Variants in TTC7B observed in about 807,000 individuals in gnomAD.
TTC7B encodes tetratricopeptide repeat domain 7B.
TTC7B carries 28 observed loss-of-function variants against 106.8 expected under a neutral mutation model. The ratio of observed to expected loss-of-function variants is 0.26; its 90% CI spans 0.19 to 0.36. TTC7B has a LOEUF of 0.36. Ranked by LOEUF, TTC7B falls within the 10% of genes least tolerant of loss-of-function variation. The probability of loss-of-function intolerance (pLI) is 1.00; values close to 1 mark genes in which losing one functional copy is unlikely to be tolerated. For missense variants in TTC7B, 862 were observed against 1,076.4 expected, an observed-to-expected ratio of 0.80 and a Z score of 2.79; for synonymous variants, 405 against 430.6, an observed-to-expected ratio of 0.94 and a Z score of 0.74.
At chr14:90,574,213 T>C (rs1891164053) in intron 19 of TTC7B, among the ~76,000 whole-genome samples, 1 of 152,246 alleles carries the variant, frequency 6.6e-6, no homozygotes, top group Non-Finnish European at 1.5e-5. Flanking sequence ...TACTGGGAGC[T>C]AAAGGCTTTT....
At chr14:90,603,776 C>T (rs1892527520) in intron 17 of TTC7B, among the ~76,000 whole-genome samples, 1 of 152,164 alleles carries the variant, frequency 6.6e-6, no homozygotes, top group South Asian at 2.1e-4. Flanking sequence ...AAAGTTGGGA[C>T]TTAAAATCAT....
At chr14:90,680,736 G>A (rs1270936101) in intron 7 of TTC7B, among the ~76,000 whole-genome samples, 1 of 152,142 alleles carries the variant, frequency 6.6e-6, no homozygotes, top group Non-Finnish European at 1.5e-5. Flanking sequence ...TTAGTGGTAG[G>A]CAGAAGGGTA....
intron 12 of TTC7B, 133 bp from the exon 13 acceptor site, chr14:90,653,031 G>A (rs549453695): frequency 3.0e-5 from 27 of 888,968 alleles, no homozygotes. Context: ...GCCCAGTCCT[G>A]CACCAGGCCC....
At chr14:90,564,728 G>A (rs1890717445) in intron 19 of TTC7B, among the ~76,000 whole-genome samples, 1 of 152,146 alleles carries the variant, frequency 6.6e-6, no homozygotes, top group African/African-American at 2.4e-5. Context: ...GGGAAACATA[G>A]TGAGATCCCT....
At chr14:90,809,846 C>T (rs907363036) in intron 1 of TTC7B, among the ~76,000 whole-genome samples, 2 of 152,210 alleles carry the variant, frequency 1.3e-5, no homozygotes, top group African/African-American at 2.4e-5. Context: ...GGGAGGGAAA[C>T]AGCCCTGAGC....
In TTC7B at chr14:90,741,455, G is replaced by A. The variant is rs1039041074; in HGVS notation, c.576+3337C>T. 6.6e-5 allele frequency among the ~76,000 whole-genome samples: 10 copies of A among 152,230 alleles called. 1 individual carries two copies. The highest frequency in any genetic ancestry group is 5.8e-4 in the East Asian group (3 of 5,172). On this transcript the variant is annotated intron_variant, in intron 4 of 19. Coordinates refer to ENST00000328459, the MANE Select transcript of TTC7B (RefSeq NM_001010854.2). The stretch of plus-strand genomic sequence containing the variant: ...AGAAGTTTCTTCACTACAGAATGGC[G>A]GGGAAGTGACAGGGCACCATGGAGA...
intron 3 of TTC7B, among the ~76,000 whole-genome samples, chr14:90,758,243 T>C (rs540635465): frequency 6.7e-6 from 1 of 148,244 alleles, no homozygotes; most frequent in Non-Finnish European, 1.5e-5. Context: ...GGGGCACCAC[T>C]GTCCCGGTGG....
intron 4 of TTC7B, among the ~76,000 whole-genome samples, chr14:90,730,546 C>G (rs1303511919): frequency 6.6e-6 from 1 of 152,152 alleles, no homozygotes; most frequent in Non-Finnish European, 1.5e-5. Context: ...CGGGTCCTAG[C>G]AAAGGGCGGA....
At chr14:90,728,971 C>T (rs1466913622) in intron 5 of TTC7B, among the ~76,000 whole-genome samples, 1 of 152,208 alleles carries the variant, frequency 6.6e-6, no homozygotes, top group Non-Finnish European at 1.5e-5. Flanking sequence ...AGGGGACGTG[C>T]ACCGTTGCTC....
intron 18 of TTC7B, among the ~76,000 whole-genome samples, chr14:90,581,699 A>G (rs951013576): frequency 1.3e-5 from 2 of 152,200 alleles, no homozygotes; most frequent in African/African-American, 4.8e-5. Flanking sequence ...GAGAGCAGGG[A>G]TGAACATGTC....
chr14:90,694,711 T>TTATAAAATATATTTTATTTTAG (rs1887621839), intron 6 of TTC7B, among the ~76,000 whole-genome samples: 1 of 141,750 alleles, frequency 7.1e-6, no homozygotes, highest in Non-Finnish European at 1.5e-5. Flanking sequence ...TTTTATTTTA[T>TTATAAAATATATTTTATTTTAG]TATAAAATAG....
chr14:90,780,778 G>A lies in TTC7B; in HGVS notation c.405C>T (p.Pro135=). 1 of 1,614,260 alleles carries A rather than the reference G, an allele frequency of 6.2e-7. No individual in the cohort carries two copies. The highest frequency in any genetic ancestry group is 8.5e-7 in the Non-Finnish European group (1 of 1,180,044). The change falls in exon 3 of 20, where the codon CCC becomes CCT. Residue 135 remains proline, a synonymous_variant. Coordinates refer to ENST00000328459, the MANE Select transcript of TTC7B (RefSeq NM_001010854.2). ...CTTCTGCGATCACCCGCAGCCTGTAGGGCGGGACAGCTGTCAGTGGCAGAT... is the reference window on the plus strand; with the variant it reads ...CTTCTGCGATCACCCGCAGCCTGTAAGGCGGGACAGCTGTCAGTGGCAGAT... ...LDDLPLTAVP[P]YRLRVIAEAY...
rs991502314 is a variant in TTC7B, at chr14:90,570,583, G to A, written c.2310+7523C>T. On this transcript the variant is annotated intron_variant, in intron 19 of 19. Coordinates refer to ENST00000328459, the MANE Select transcript of TTC7B (RefSeq NM_001010854.2). The surrounding 1 kb of genome is among the most constrained non-coding windows in gnomAD (Gnocchi z 4.0). Reference sequence around the variant, plus strand: ...AAAGCGAAGCATCGTGCTCGCGGCCGACCACGCACCGAGATATATTCTCAT... The same window carrying A: ...AAAGCGAAGCATCGTGCTCGCGGCCAACCACGCACCGAGATATATTCTCAT... 2.0e-5 allele frequency among the ~76,000 whole-genome samples: 3 copies of A among 151,762 alleles called. No homozygotes were observed. Among genetic ancestry groups the A allele is most frequent in the Non-Finnish European group, 4.4e-5 (3 of 67,942 alleles).
At chr14:90,766,681 G>T in intron 3 of TTC7B, 1 of 1,365,708 alleles carries the variant, frequency 7.3e-7, no homozygotes. Context: ...AGCAGACATT[G>T]ACTGCACCAA....
Position 90,656,480 on chromosome 14 carries a change from C to G in TTC7B, c.1341+694G>C, listed in dbSNP as rs149527528. On this transcript the variant is annotated intron_variant, in intron 11 of 19. Transcript: ENST00000328459. ...GGGTATTGCCAAATTCAAATCTGAACAAGAATATTTGAAGAAAAACGCGTA... is the reference window on the plus strand; with the variant it reads ...GGGTATTGCCAAATTCAAATCTGAAGAAGAATATTTGAAGAAAAACGCGTA... Among the ~76,000 whole-genome samples, 1,238 of 152,140 alleles carry G rather than the reference C, an allele frequency of 8.1e-3. 10 individuals are homozygous for G. Among genetic ancestry groups the G allele is most frequent in the Non-Finnish European group, 0.014 (925 of 67,990 alleles).
chr14:90,719,617 A>G (rs1888807889), intron 5 of TTC7B, among the ~76,000 whole-genome samples: 1 of 152,180 alleles, frequency 6.6e-6, no homozygotes, highest in Non-Finnish European at 1.5e-5. Flanking sequence ...TTGAGGTGAA[A>G]AGGAACAAAC....
chr14:90,697,444 C>T (rs1033341826), intron 5 of TTC7B: 1 of 150,840 alleles, frequency 6.6e-6, no homozygotes, highest in Non-Finnish European at 1.5e-5. Context: ...TTCCTGGGTA[C>T]ACATAAGCTC....
At position 90,653,003 on chromosome 14, in the gene TTC7B, A is replaced by C. The variant is rs566838504; in HGVS notation, c.1460-105T>G. On this transcript the variant is annotated intron_variant, in intron 12 of 19. Transcript: ENST00000328459. ...ACATTCAACTGGATTAAAAGCAACA[A>C]TGTCTGAGTGCCTACGTGCCCAGTC... 1.5e-4 allele frequency: 175 copies of C among 1,193,806 alleles called. No individual in the cohort carries two copies. The African/African-American group carries it at 2.5e-3, about 17-fold the overall frequency. 74.0% of individuals were successfully genotyped at this position (1,193,806 alleles called of 1,614,324 possible).
intron 19 of TTC7B, among the ~76,000 whole-genome samples, chr14:90,561,609 A>G (rs1353002945): frequency 6.6e-6 from 1 of 152,256 alleles, no homozygotes; most frequent in Non-Finnish European, 1.5e-5. Context: ...ACATACAGAA[A>G]GAAAAACTGA....
Sources: allele counts gnomAD v4.1 joint callset (sites outside exome capture counted in the v4.1 genomes callset), GRCh38; gene constraint gnomAD v4.1.1; non-coding constraint Gnocchi (gnomAD v3.1); transcripts MANE v1.5; gene names NCBI Gene and HGNC (gene_info 2026-07-23, HGNC 2026-07-21).